TMOD1: variants seen among roughly 807,000 people sequenced by gnomAD.
TMOD1 encodes tropomodulin 1.
A neutral mutation model predicts 40.6 loss-of-function variants in TMOD1; 17 were observed. The ratio of observed to expected loss-of-function variants is 0.42; its 90% CI spans 0.29 to 0.63. The LOEUF is 0.63. TMOD1 is among the 20% of genes least tolerant of loss of function. TMOD1 has a pLI of 0.22. For missense variants in TMOD1, 391 were observed against 447.6 expected, an observed-to-expected ratio of 0.87 and a Z score of 1.14; for synonymous variants, 181 against 175.0, an observed-to-expected ratio of 1.03 and a Z score of -0.27.
rs1829963894 is a variant in TMOD1 at position 97,524,285 on chromosome 9, G to C, written c.97G>C (p.Glu33Gln). 6.2e-7 allele frequency: 1 copy of C among 1,613,988 alleles called. No individual in the cohort carries two copies. Among genetic ancestry groups the C allele is most frequent in the South Asian group, 1.1e-5 (1 of 91,072 alleles). Reference protein sequence around the residue: ...TEEELRTLENELDELDPDNAL... With the variant: ...TEEELRTLENQLDELDPDNAL... ...GGAAGAGCTGAGGACCCTGGAAAAT[G>C]AGCTGGATGAGCTGGACCCTGATGT... Residue 33 changes from glutamate (E) to glutamine (Q), a missense_variant, in exon 2 of 10, where the codon GAG (glutamate) becomes CAG (glutamine). Physicochemically the swap from Glu to Gln is conservative, Grantham distance 29. Coordinates refer to ENST00000259365, the MANE Select transcript of TMOD1 (RefSeq NM_003275.4).
At chr9:97,509,517 T>G (rs1469842595) in intron 1 of TMOD1, among the ~76,000 whole-genome samples, 4 of 121,476 alleles carry the variant, frequency 3.3e-5, no homozygotes, top group Non-Finnish European at 5.5e-5. Flanking sequence ...TTTTTGTTTT[T>G]TGTTTTTTTT....
intron 2 of TMOD1, among the ~76,000 whole-genome samples, chr9:97,542,932 T>C (rs777279822): frequency 6.6e-6 from 1 of 151,662 alleles, no homozygotes; most frequent in Admixed American, 6.6e-5. Flanking sequence ...CTGGGGGCAG[T>C]GCTACTAGCA....
At chr9:97,506,426 A>G (rs1829592397) in intron 1 of TMOD1, among the ~76,000 whole-genome samples, 1 of 152,246 alleles carries the variant, frequency 6.6e-6, no homozygotes, top group Admixed American at 6.5e-5. Context: ...GAATGAATGA[A>G]TGAATGCATG....
rs1230062642 is a variant in TMOD1, at chr9:97,600,985, A to T, written c.*1287A>T. On this transcript the variant is annotated 3_prime_UTR_variant, in exon 10 of 10. Transcript: ENST00000259365. Reference sequence around the variant, plus strand: ...TCTCATGATAAAGGACAAGGTCAAGAACTCCAGAGCACTGAGCAGAGAGGC... The same window carrying T: ...TCTCATGATAAAGGACAAGGTCAAGTACTCCAGAGCACTGAGCAGAGAGGC... 1 of 1,212,896 alleles carries T rather than the reference A, an allele frequency of 8.2e-7. No homozygotes were observed. Among genetic ancestry groups the T allele is most frequent in the African/African-American group, 1.6e-5 (1 of 62,440 alleles). The allele number at this position is 1,212,896 out of a possible 1,614,324, so 75.1% of individuals were successfully genotyped here. A position where few individuals can be genotyped will look rare whatever the true frequency, so the allele number is the denominator to read the frequency against.
chr9:97,546,931 A>G (rs1440151963), intron 3 of TMOD1, among the ~76,000 whole-genome samples: 1 of 141,958 alleles, frequency 7.0e-6, no homozygotes, highest in East Asian at 2.0e-4. Flanking sequence ...TCCGTCTCCA[A>G]AAAAAAAAAA....
chr9:97,520,935 C>T (rs889133140), intron 1 of TMOD1, among the ~76,000 whole-genome samples: 3 of 152,194 alleles, frequency 2.0e-5, no homozygotes, highest in Non-Finnish European at 4.4e-5. Flanking sequence ...CCTGCTCCCT[C>T]GGCCTGGCTG....
rs545058347 is a variant in TMOD1, at chr9:97,552,038, C to A, written c.278-1243C>A. Among the ~76,000 whole-genome samples the A allele has an allele frequency of 2.0e-5, 3 of 152,192 alleles. No homozygotes were observed. In the South Asian group the frequency reaches 6.2e-4, roughly 32 times the overall value. On this transcript the variant is annotated intron_variant, in intron 3 of 9. Transcript: ENST00000259365. ...TTTTGTATGTTGATCTTGTACCCTG[C>A]AATATTGCTGACTTTGTTAGTTCTA...
chr9:97,546,693 C>G (rs927234762), intron 3 of TMOD1, among the ~76,000 whole-genome samples: 1 of 152,090 alleles, frequency 6.6e-6, no homozygotes, highest in African/African-American at 2.4e-5. Flanking sequence ...CTTTGGGAGA[C>G]CGAGGCAGGC....
chr9:97,502,252 C>A lies in TMOD1; in HGVS notation c.-49+449C>A, dbSNP rs916161099. Among the ~76,000 whole-genome samples the A allele has an allele frequency of 6.6e-6, 1 of 152,178 alleles. No individual in the cohort carries two copies. Among genetic ancestry groups the A allele is most frequent in the East Asian group, 1.9e-4 (1 of 5,162 alleles). ...GGAGCTGGGCTCGGGGGCGCGGCCT[C>A]TTCTCCGCCTGCAAGAGTCTGGGGG... On this transcript the variant is annotated intron_variant, in intron 1 of 9. Transcript: ENST00000259365. This position sits in a 1 kb window ranked among gnomAD's most constrained non-coding sequence, Gnocchi z 6.1.
chr9:97,544,932 C>A (rs1469171747), intron 2 of TMOD1, among the ~76,000 whole-genome samples: 1 of 150,556 alleles, frequency 6.6e-6, no homozygotes, highest in Non-Finnish European at 1.5e-5. Flanking sequence ...TCGCTTGAAC[C>A]TGGGAGGCAG....
rs373098053 is a variant in TMOD1, at chr9:97,593,476, A to G, written c.1015+2041A>G. Among the ~76,000 whole-genome samples, 165 of 152,246 alleles carry G rather than the reference A, an allele frequency of 1.1e-3. 1 individual carries two copies. Among genetic ancestry groups the G allele is most frequent in the African/African-American group, 3.9e-3 (160 of 41,550 alleles). On this transcript the variant is annotated intron_variant, in intron 9 of 9. Transcript: ENST00000259365. ...TGGGGTGGGGGTAGGGGGTCTAGGC[A>G]GCAGCTCAGTCAGGTCACACCAGCT...
chr9:97,503,891 C>T (rs1357610828), intron 1 of TMOD1, among the ~76,000 whole-genome samples: 2 of 152,086 alleles, frequency 1.3e-5, no homozygotes, highest in African/African-American at 4.8e-5. Flanking sequence ...TTAGAGTCTT[C>T]CTTGGAAGCC....
At chr9:97,510,276 G>GCA (rs1432676968) in intron 1 of TMOD1, among the ~76,000 whole-genome samples, 4 of 152,000 alleles carry the variant, frequency 2.6e-5, no homozygotes, top group African/African-American at 9.7e-5. Flanking sequence ...TGTTGCCCAG[G>GCA]CAAGAGTACA....
intron 9 of TMOD1, among the ~76,000 whole-genome samples, chr9:97,593,597 A>C (rs1038326325): frequency 1.3e-5 from 2 of 152,138 alleles, no homozygotes; most frequent in Admixed American, 6.5e-5. Context: ...CTGACTGAAG[A>C]AGCTTTATAA....
At chr9:97,514,929 T>G (rs1276779241) in intron 1 of TMOD1, among the ~76,000 whole-genome samples, 1 of 152,214 alleles carries the variant, frequency 6.6e-6, no homozygotes, top group Non-Finnish European at 1.5e-5. Flanking sequence ...GGCCCTGCCC[T>G]AGGGCAGGAT....
At chr9:97,546,469 C>T in intron 3 of TMOD1, 128 bp downstream of exon 3, 1 of 966,530 alleles carries the variant, frequency 1.0e-6, no homozygotes, top group Non-Finnish European at 1.5e-6. Flanking sequence ...TCATCCCTGC[C>T]TGGCCAAAAC....
chr9:97,599,749 C>G lies in TMOD1; in HGVS notation c.*51C>G. 6.2e-7 allele frequency: 1 copy of G among 1,613,294 alleles called. No homozygotes were observed. The highest frequency in any genetic ancestry group is 8.5e-7 in the Non-Finnish European group (1 of 1,179,828). ...TGAACTGGATGTGTTCTATTGATGACCTGTGCTCTGCAGGGGAAACCAGAA... is the reference window on the plus strand; with the variant it reads ...TGAACTGGATGTGTTCTATTGATGAGCTGTGCTCTGCAGGGGAAACCAGAA... On this transcript the variant is annotated 3_prime_UTR_variant, in exon 10 of 10. Coordinates refer to ENST00000259365, the MANE Select transcript of TMOD1 (RefSeq NM_003275.4).
In TMOD1 at chr9:97,502,724, G is replaced by A. The variant is rs1297947390; in HGVS notation, c.-49+921G>A. On this transcript the variant is annotated intron_variant, in intron 1 of 9. Coordinates refer to ENST00000259365, the MANE Select transcript of TMOD1 (RefSeq NM_003275.4). The surrounding 1 kb of genome is among the most constrained non-coding windows in gnomAD (Gnocchi z 6.1). Reference sequence around the variant, plus strand: ...TATCCTGGGACTCACTAAGGCCGTCGGATATCCTAAGCCGTACAACCCTAG... The same window carrying A: ...TATCCTGGGACTCACTAAGGCCGTCAGATATCCTAAGCCGTACAACCCTAG... 6.6e-6 allele frequency among the ~76,000 whole-genome samples: 1 copy of A among 152,182 alleles called. No homozygotes were observed. Among genetic ancestry groups the A allele is most frequent in the Non-Finnish European group, 1.5e-5 (1 of 68,040 alleles).
At chr9:97,526,331 A>G (rs151178138) in intron 2 of TMOD1, among the ~76,000 whole-genome samples, 3 of 152,308 alleles carry the variant, frequency 2.0e-5, no homozygotes, top group African/African-American at 7.2e-5. Flanking sequence ...GTCAGGGTAC[A>G]CAGTGTCAAG....
Sources: allele counts gnomAD v4.1 joint callset (sites outside exome capture counted in the v4.1 genomes callset), GRCh38; gene constraint gnomAD v4.1.1; non-coding constraint Gnocchi (gnomAD v3.1); transcripts MANE v1.5; gene names NCBI Gene and HGNC (gene_info 2026-07-23, HGNC 2026-07-21).